Variants in KCNJ16 observed in about 807,000 individuals in gnomAD.
KCNJ16 encodes potassium inwardly rectifying channel subfamily J member 16.
KCNJ16 carries 15 observed loss-of-function variants against 18.5 expected under a neutral mutation model. That is an observed-to-expected ratio of 0.81 (90% CI 0.54 to 1.25). The LOEUF (loss-of-function observed/expected upper bound fraction) is 1.25. Among genes scored for constraint, KCNJ16 ranks in the 50% most tolerant of loss-of-function variants. KCNJ16 has a pLI of 0.00. For synonymous variants in KCNJ16, 174 were observed against 186.5 expected (o/e 0.93, Z 0.55); for missense variants, 523 against 525.7 (o/e 0.99, Z 0.05).
At position 70,130,907 on chromosome 17, in the gene KCNJ16, A is replaced by G; in HGVS notation, c.-162A>G. 1.4e-6 allele frequency: 2 copies of G among 1,461,664 alleles called. No homozygotes were observed. The highest frequency in any genetic ancestry group is 1.2e-5 in the South Asian group (1 of 82,520). 90.5% of individuals were successfully genotyped at this position (1,461,664 alleles called of 1,614,324 possible). Reference sequence around the variant, plus strand: ...TAACTCAAGATGATTTTGATGTTGCAGTTTTAAATTTCACTTTGACTTGAG... The same window carrying G: ...TAACTCAAGATGATTTTGATGTTGCGGTTTTAAATTTCACTTTGACTTGAG... On this transcript the variant is annotated 5_prime_UTR_variant, in exon 3 of 4. Transcript: ENST00000392671.
intron 1 of KCNJ16, among the ~76,000 whole-genome samples, chr17:70,090,016 A>G (rs1477132045): frequency 6.6e-6 from 1 of 152,224 alleles, no homozygotes; most frequent in African/African-American, 2.4e-5. Context: ...CTGCACCTCA[A>G]GGACACTGTT....
chr17:70,105,023 C>T (rs1468569825), intron 2 of KCNJ16: 1 of 152,578 alleles, frequency 6.6e-6, no homozygotes, highest in African/African-American at 2.4e-5. Context: ...GGTGCTCTTA[C>T]AAGATGAAAA....
intron 2 of KCNJ16, among the ~76,000 whole-genome samples, chr17:70,130,245 A>G (rs537103810): frequency 1.1e-4 from 17 of 152,334 alleles, no homozygotes; most frequent in Admixed American, 7.2e-4. Context: ...TCAGACAGAT[A>G]GAAACCTCCA....
Position 70,132,129 on chromosome 17 carries a change from C to T in KCNJ16, c.42C>T (p.Asp14=), listed in dbSNP as rs148762846. ...YGSSYHIINA[D]AKYPGYPPEH... is the part of the protein sequence containing the mutation. ...GCAGCTATCATATTATCAATGCGGA[C>T]GCAAAATACCCAGGCTACCCGCCAG... is the stretch of plus-strand genomic sequence containing the variant. The change falls in exon 4 of 4, where the codon GAC becomes GAT. Residue 14 remains aspartate, a synonymous_variant. Transcript: ENST00000392671. 5.1e-5 allele frequency: 82 copies of T among 1,614,100 alleles called. 1 individual carries two copies. The highest frequency in any genetic ancestry group is 3.3e-4 in the Middle Eastern group (2 of 6,062).
chr17:70,123,870 A>G (rs1340995282), intron 2 of KCNJ16, among the ~76,000 whole-genome samples: 4 of 152,216 alleles, frequency 2.6e-5, no homozygotes, highest in African/African-American at 9.7e-5. Flanking sequence ...GCTCTGGATG[A>G]AAGAGGCAAT....
intron 1 of KCNJ16, among the ~76,000 whole-genome samples, chr17:70,099,000 A>G (rs2072507952): frequency 1.3e-5 from 2 of 152,250 alleles, no homozygotes; most frequent in Admixed American, 6.5e-5. Flanking sequence ...GCCTCATATC[A>G]GTGACCTGAC....
chr17:70,132,045 A>C lies in KCNJ16; in HGVS notation c.-43A>C, dbSNP rs1397923656. The C allele has an allele frequency of 6.2e-7, 1 of 1,612,594 alleles. No individual in the cohort carries two copies. Among genetic ancestry groups the C allele is most frequent in the East Asian group, 2.2e-5 (1 of 44,886 alleles). On this transcript the variant is annotated 5_prime_UTR_variant, in exon 4 of 4. Transcript: ENST00000392671. Reference sequence around the variant, plus strand: ...AAATAGCAACAAGTCTAGAATTCTTACTACTACAAAACTCACCTGGATCCC... The same window carrying C: ...AAATAGCAACAAGTCTAGAATTCTTCCTACTACAAAACTCACCTGGATCCC...
rs1433755434 is a variant in KCNJ16 at position 70,134,968 on chromosome 17, C to T, written c.*1624C>T. ...TTTTTTTGTTCTTCCTTCCTTTCTTCCCTCCTCCCCCTCATCCTTCCCTTT... is the reference window on the plus strand; with the variant it reads ...TTTTTTTGTTCTTCCTTCCTTTCTTTCCTCCTCCCCCTCATCCTTCCCTTT... On this transcript the variant is annotated 3_prime_UTR_variant, in exon 4 of 4. Coordinates refer to ENST00000392671, the MANE Select transcript of KCNJ16 (RefSeq NM_170741.4). The T allele has an allele frequency of 6.2e-6, 1 of 160,602 alleles. No individual in the cohort carries two copies. The highest frequency in any genetic ancestry group is 2.5e-5 in the African/African-American group (1 of 40,438). The allele number at this position is 160,602 out of a possible 1,614,324, so 9.9% of individuals were successfully genotyped here. A position where few individuals can be genotyped will look rare whatever the true frequency, so the allele number is the denominator to read the frequency against.
chr17:70,129,567 T>C (rs1318537669), intron 2 of KCNJ16, among the ~76,000 whole-genome samples: 2 of 152,168 alleles, frequency 1.3e-5, no homozygotes, highest in African/African-American at 2.4e-5. Flanking sequence ...ATTTATATCG[T>C]TGGAGAGTCA....
At chr17:70,080,150 T>G (rs1285800271) in intron 1 of KCNJ16, among the ~76,000 whole-genome samples, 1 of 152,224 alleles carries the variant, frequency 6.6e-6, no homozygotes, top group East Asian at 1.9e-4. Flanking sequence ...CCTCTTCCAT[T>G]AAAATCACTA....
At chr17:70,112,241 T>A (rs2073217418) in intron 2 of KCNJ16, among the ~76,000 whole-genome samples, 2 of 152,194 alleles carry the variant, frequency 1.3e-5, no homozygotes, top group African/African-American at 4.8e-5. Flanking sequence ...CAAATATGAA[T>A]AACAGGACAA....
chr17:70,116,419 A>G (rs1027164886), intron 2 of KCNJ16, among the ~76,000 whole-genome samples: 1 of 152,158 alleles, frequency 6.6e-6, no homozygotes, highest in African/African-American at 2.4e-5. Flanking sequence ...CATCCGTAAT[A>G]ATTTCTTTAG....
intron 1 of KCNJ16, among the ~76,000 whole-genome samples, chr17:70,098,637 G>A (rs1007890424): frequency 4.0e-5 from 6 of 151,468 alleles, no homozygotes; most frequent in Admixed American, 2.0e-4. Flanking sequence ...ACTGATATAC[G>A]GGCTTTCCCC....
intron 1 of KCNJ16, among the ~76,000 whole-genome samples, chr17:70,096,219 C>T (rs746723894): frequency 1.8e-4 from 28 of 152,208 alleles, no homozygotes; most frequent in Non-Finnish European, 2.9e-4. Context: ...CAGCAAAAGC[C>T]TCACTGCTTG....
In KCNJ16 at chr17:70,134,764, GAC is replaced by G. The variant is rs146676217; in HGVS notation, c.*1434_*1435del. The G allele has an allele frequency of 8.5e-5, 14 of 165,526 alleles. No individual in the cohort carries two copies. Among genetic ancestry groups the G allele is most frequent in the Middle Eastern group, 3.4e-3 (1 of 294 alleles). 10.3% of individuals were successfully genotyped at this position (165,526 alleles called of 1,614,324 possible). On this transcript the variant is annotated 3_prime_UTR_variant, in exon 4 of 4. Transcript: ENST00000392671. Reference sequence around the variant, plus strand: ...TTTATGTTATTTAAATACACACCCAGACACACACACACACAGTTTTTGCTTTT... The same window carrying G: ...TTTATGTTATTTAAATACACACCCAGACACACACACACAGTTTTTGCTTTT...
chr17:70,081,098 C>A (rs1336112667), intron 1 of KCNJ16, among the ~76,000 whole-genome samples: 2 of 152,162 alleles, frequency 1.3e-5, no homozygotes, highest in East Asian at 1.9e-4. Flanking sequence ...AGACTTGCAA[C>A]CAAAATTTGG....
At chr17:70,094,493 G>C (rs1190118819) in intron 1 of KCNJ16, among the ~76,000 whole-genome samples, 2 of 152,074 alleles carry the variant, frequency 1.3e-5, no homozygotes, top group African/African-American at 4.8e-5. Flanking sequence ...AACTTGAACT[G>C]CTAACAATTA....
chr17:70,099,297 G>A (rs1197893663), intron 1 of KCNJ16, among the ~76,000 whole-genome samples: 1 of 152,150 alleles, frequency 6.6e-6, no homozygotes, highest in Non-Finnish European at 1.5e-5. Context: ...TGAAGACTGG[G>A]TTAGAAGGTA....
At chr17:70,131,891 CG>C in intron 3 of KCNJ16, 103 bp from the exon 4 acceptor site, 1 of 950,380 alleles carries the variant, frequency 1.1e-6, no homozygotes, top group South Asian at 1.8e-5. Flanking sequence ...CAGATGAAGT[CG>C]TAGCTATTTT....
Sources: gnomAD v4.1 joint callset for allele counts (sites outside exome capture counted in the v4.1 genomes callset) on GRCh38, gnomAD v4.1.1 for gene constraint, MANE v1.5 for transcripts, NCBI Gene and HGNC (gene_info 2026-07-23, HGNC 2026-07-21) for gene names.